CFTR: variants seen among roughly 807,000 people sequenced by gnomAD.
The protein encoded by CFTR is cystic fibrosis transmembrane conductance regulator.
A neutral mutation model predicts 171.6 loss-of-function variants in CFTR; 181 were observed. The observed-to-expected ratio is 1.05, with a 90% CI of 0.93 to 1.19. CFTR has a LOEUF of 1.19. CFTR is among the 50% of genes most tolerant of loss of function. The pLI is 0.00. For synonymous variants in CFTR, 583 were observed against 608.0 expected, an observed-to-expected ratio of 0.96 and a Z score of 0.60; for missense variants, 1,968 against 1,734.7, an observed-to-expected ratio of 1.13 and a Z score of -2.39.
chr7:117,654,539 T>C (rs1456855582), intron 24 of CFTR, among the ~76,000 whole-genome samples: 1 of 152,146 alleles, frequency 6.6e-6, no homozygotes, highest in East Asian at 1.9e-4. Context: ...GACTGGATCA[T>C]GGGCATGGTT....
chr7:117,602,088 AGTGGT>A (rs1345539348), intron 15 of CFTR, among the ~76,000 whole-genome samples: 2 of 152,164 alleles, frequency 1.3e-5, no homozygotes, highest in Non-Finnish European at 2.9e-5. Flanking sequence ...GGAGTGCAGC[AGTGGT>A]GTGATCTTGG....
At chr7:117,500,108 C>G (rs748619889) in intron 1 of CFTR, among the ~76,000 whole-genome samples, 13 of 151,914 alleles carry the variant, frequency 8.6e-5, no homozygotes, top group African/African-American at 1.2e-4. Context: ...TTTAAACATT[C>G]TAGGTTTAAT....
At position 117,667,003 on chromosome 7, in the gene CFTR, G is replaced by A. The variant is rs1793393576; in HGVS notation, c.4338G>A (p.Arg1446=). 8.1e-6 allele frequency: 13 copies of A among 1,613,864 alleles called. No homozygotes were observed. The highest frequency in any genetic ancestry group is 1.1e-5 in the Non-Finnish European group (13 of 1,179,956). The change falls in exon 27 of 27, where the codon AGG becomes AGA. Residue 1446 remains arginine, a synonymous_variant. Transcript: ENST00000003084. ...GGCAAGCCATCAGCCCCTCCGACAG[G>A]GTGAAGCTCTTTCCCCACCGGAACT... ...LFRQAISPSD[R]VKLFPHRNSS...
chr7:117,523,704 T>A (rs1047863938), intron 3 of CFTR, among the ~76,000 whole-genome samples: 1 of 152,198 alleles, frequency 6.6e-6, no homozygotes, highest in Non-Finnish European at 1.5e-5. Flanking sequence ...TAAAAAGGCA[T>A]TCCACTCAAA....
intron 22 of CFTR, among the ~76,000 whole-genome samples, chr7:117,640,140 T>C (rs2116159573): frequency 6.6e-6 from 1 of 152,278 alleles, no homozygotes; most frequent in South Asian, 2.1e-4. Context: ...GGGTATGTCT[T>C]AAAAGCTTAT....
Position 117,590,396 on chromosome 7 carries a change from T to A in CFTR, c.1723T>A (p.Phe575Ile), listed in dbSNP as rs1252613524. The A allele has an allele frequency of 6.2e-7, 1 of 1,603,450 alleles. No individual in the cohort carries two copies. The highest frequency in any genetic ancestry group is 1.7e-5 in the Admixed American group (1 of 59,670). The change falls in exon 13 of 27, where the codon TTT becomes ATT. Residue 575 changes from phenylalanine to isoleucine, a missense_variant. Phe to Ile is a conservative substitution (Grantham distance 21, BLOSUM62 0). Coordinates refer to ENST00000003084, the MANE Select transcript of CFTR (RefSeq NM_000492.4). ...DADLYLLDSP[F>I]GYLDVLTEKE... ...TGATTTGTATTTATTAGACTCTCCTTTTGGATACCTAGATGTTTTAACAGA... is the reference window on the plus strand; with the variant it reads ...TGATTTGTATTTATTAGACTCTCCTATTGGATACCTAGATGTTTTAACAGA...
At chr7:117,532,724 T>A (rs1798883868) in intron 4 of CFTR, among the ~76,000 whole-genome samples, 1 of 152,266 alleles carries the variant, frequency 6.6e-6, no homozygotes, top group Middle Eastern at 3.4e-3. Context: ...TAGGTGGTAT[T>A]GTATCTGTCT....
chr7:117,512,935 G>A lies in CFTR; in HGVS notation c.273+3793G>A, dbSNP rs756161388. ...TTTCATTAAACCTCACAAAATTAAA[G>A]GACATACAGGAGAAGTCCTGGTACT... On this transcript the variant is annotated intron_variant, in intron 3 of 26. Transcript: ENST00000003084. Among the ~76,000 whole-genome samples, 7 of 152,098 alleles carry A rather than the reference G, an allele frequency of 4.6e-5. No homozygotes were observed. In the East Asian group the frequency reaches 1.4e-3, roughly 29 times the overall value.
chr7:117,531,215 T>A (rs568263792), intron 4 of CFTR, 101 bp downstream of exon 4: 68 of 854,216 alleles, frequency 8.0e-5, no homozygotes, highest in Non-Finnish European at 1.2e-4. Context: ...AAGGGATAAA[T>A]GCTGAAATTA....
chr7:117,649,942 G>A (rs1485847941), intron 23 of CFTR, among the ~76,000 whole-genome samples: 4 of 152,072 alleles, frequency 2.6e-5, no homozygotes, highest in South Asian at 2.1e-4. Context: ...GAAGAAGGTA[G>A]GGAATGAGAT....
intron 24 of CFTR, among the ~76,000 whole-genome samples, chr7:117,657,680 C>T (rs1483600517): frequency 6.6e-6 from 1 of 152,192 alleles, no homozygotes; most frequent in African/African-American, 2.4e-5. Context: ...GGATGTATGT[C>T]ATCTCACTGA....
intron 11 of CFTR, among the ~76,000 whole-genome samples, chr7:117,568,190 G>C (rs1000359437): frequency 6.6e-6 from 1 of 152,082 alleles, no homozygotes; most frequent in Non-Finnish European, 1.5e-5. Context: ...GAAAGAAAGG[G>C]GTATATTGTG....
In CFTR at chr7:117,499,628, T is replaced by C. The variant is rs148944430; in HGVS notation, c.54-4625T>C. Among the ~76,000 whole-genome samples, 4 of 151,266 alleles carry C rather than the reference T, an allele frequency of 2.6e-5. No homozygotes were observed. The East Asian group carries it at 7.7e-4, about 29-fold the overall frequency. On this transcript the variant is annotated intron_variant, in intron 1 of 26. Coordinates refer to ENST00000003084, the MANE Select transcript of CFTR (RefSeq NM_000492.4). Reference sequence around the variant, plus strand: ...TTAGGGATCTCTGTTTGCTATCCCATAGTGAATGATTAATTAGTTTCTGTT... The same window carrying C: ...TTAGGGATCTCTGTTTGCTATCCCACAGTGAATGATTAATTAGTTTCTGTT...
At chr7:117,600,457 G>A (rs1418669734) in intron 15 of CFTR, among the ~76,000 whole-genome samples, 9 of 151,980 alleles carry the variant, frequency 5.9e-5, no homozygotes, top group Non-Finnish European at 1.2e-4. Flanking sequence ...TTCATTCTAT[G>A]ATTGTTAAGA....
intron 1 of CFTR, among the ~76,000 whole-genome samples, chr7:117,502,473 C>T (rs1248147703): frequency 2.0e-5 from 3 of 152,184 alleles, no homozygotes; most frequent in Admixed American, 1.3e-4. Flanking sequence ...TCACCTTTTT[C>T]ACTTCTTGAC....
intron 24 of CFTR, among the ~76,000 whole-genome samples, chr7:117,653,888 A>T (rs868694885): frequency 1.2e-4 from 18 of 152,232 alleles, no homozygotes; most frequent in African/African-American, 3.9e-4. Context: ...TGTGAAATCA[A>T]ACCTATTATG....
At chr7:117,602,921 G>A in intron 16 of CFTR, 58 bp downstream of exon 16, 2 of 1,354,614 alleles carry the variant, frequency 1.5e-6, no homozygotes, top group Non-Finnish European at 2.1e-6. Context: ...ATTAAATATT[G>A]TAATCCACTA....
chr7:117,597,830 C>CCG (rs1792158308), intron 15 of CFTR, among the ~76,000 whole-genome samples: 1 of 149,602 alleles, frequency 6.7e-6, no homozygotes, highest in South Asian at 2.1e-4. Flanking sequence ...AAAAAAGGGG[C>CCG]GGGGGGGCAG....
intron 3 of CFTR, among the ~76,000 whole-genome samples, chr7:117,513,440 A>AG (rs1368988469): frequency 6.6e-6 from 1 of 151,356 alleles, no homozygotes; most frequent in Non-Finnish European, 1.5e-5. Flanking sequence ...TAGATTTGAA[A>AG]AAAAAAAAAA....
Sources: gnomAD v4.1 joint callset for allele counts (sites outside exome capture counted in the v4.1 genomes callset) on GRCh38, gnomAD v4.1.1 for gene constraint, MANE v1.5 for transcripts, NCBI Gene and HGNC (gene_info 2026-07-23, HGNC 2026-07-21) for gene names.